PLIN3: variants seen among roughly 807,000 people sequenced by gnomAD.
PLIN3 encodes perilipin 3.
A neutral mutation model predicts 35.9 loss-of-function variants in PLIN3; 30 were observed. The observed-to-expected ratio is 0.84, with a 90% confidence interval of 0.62 to 1.13. The LOEUF is 1.13. Ranked by LOEUF, PLIN3 falls within the 50% of genes most tolerant of loss-of-function variation. The pLI is 0.00. For synonymous variants in PLIN3, 261 were observed against 262.5 expected, an observed-to-expected ratio of 0.99 and a Z score of 0.06; for missense variants, 603 against 596.9, an observed-to-expected ratio of 1.01 and a Z score of -0.11.
chr19:4,862,140 T>TC (rs2030697550), intron 1 of PLIN3, among the ~76,000 whole-genome samples: 1 of 150,496 alleles, frequency 6.6e-6, no homozygotes, highest in African/African-American at 2.4e-5. Context: ...TATCTTTTTT[T>TC]TTTTTTTTTG....
intron 1 of PLIN3, among the ~76,000 whole-genome samples, chr19:4,864,453 TTG>T (rs200705690): frequency 1.9e-4 from 27 of 140,008 alleles, no homozygotes; most frequent in South Asian, 9.1e-4. Flanking sequence ...CAGCCGTGGT[TTG>T]TTTTTTTTTT....
intron 4 of PLIN3, among the ~76,000 whole-genome samples, chr19:4,853,476 C>T (rs950189913): frequency 6.6e-6 from 1 of 151,918 alleles, no homozygotes; most frequent in African/African-American, 2.4e-5. Context: ...CAAGCACATG[C>T]CACCATGCCG....
chr19:4,845,991 G>A lies in PLIN3; in HGVS notation c.835-1198C>T, dbSNP rs181649554. Among the ~76,000 whole-genome samples the A allele has an allele frequency of 2.2e-3, 325 of 150,438 alleles. 2 individuals are homozygous for A. The highest frequency in any genetic ancestry group is 7.4e-3 in the African/African-American group (302 of 40,908). On this transcript the variant is annotated intron_variant, in intron 6 of 7. Coordinates refer to ENST00000221957, the MANE Select transcript of PLIN3 (RefSeq NM_005817.5). ...TGTAATTCCAGCACTTTGGGAGGCC[G>A]AGGCGGGCGGATCAAGAGGTCAGGA... is the stretch of plus-strand genomic sequence containing the variant.
At chr19:4,867,339 C>T (rs942141623) in intron 1 of PLIN3, among the ~76,000 whole-genome samples, 5 of 152,156 alleles carry the variant, frequency 3.3e-5, no homozygotes, top group South Asian at 2.1e-4. Context: ...TAGCCCACCC[C>T]CTTCAATATC....
Position 4,861,410 on chromosome 19 carries a change from C to T in PLIN3, c.-16G>A, listed in dbSNP as rs376043517. On this transcript the variant is annotated splice_region_variant and 5_prime_UTR_variant, in exon 2 of 8. Transcript: ENST00000221957. ...CGGCAGACATGGTCTCTGCAGCAGA[C>T]GCTGAGGAGAGAGGAACAGTCAGGT... is the stretch of plus-strand genomic sequence containing the variant. 3.1e-6 allele frequency: 5 copies of T among 1,608,132 alleles called. No individual in the cohort carries two copies. Among genetic ancestry groups the T allele is most frequent in the African/African-American group, 1.3e-5 (1 of 74,876 alleles).
At chr19:4,862,112 C>A (rs1206846460) in intron 1 of PLIN3, among the ~76,000 whole-genome samples, 20 of 148,412 alleles carry the variant, frequency 1.3e-4, no homozygotes, top group Admixed American at 1.3e-3. Context: ...TTAATTTTTT[C>A]TTTTTGGGTA....
At chr19:4,849,134 G>T (rs2030203298) in intron 5 of PLIN3, among the ~76,000 whole-genome samples, 1 of 151,606 alleles carries the variant, frequency 6.6e-6, no homozygotes, top group African/African-American at 2.4e-5. Context: ...CAAGACACCT[G>T]GCTAATTTTT....
intron 4 of PLIN3, among the ~76,000 whole-genome samples, chr19:4,858,774 T>G (rs2030566431): frequency 7.0e-6 from 1 of 143,526 alleles, no homozygotes; most frequent in African/African-American, 2.6e-5. Flanking sequence ...TGATCTCGGA[T>G]CACTGCAACC....
At chr19:4,846,841 A>G (rs1204996277) in intron 6 of PLIN3, among the ~76,000 whole-genome samples, 2 of 151,952 alleles carry the variant, frequency 1.3e-5, no homozygotes, top group African/African-American at 4.8e-5. Flanking sequence ...GCCTCCAGAA[A>G]TGTGAGAAAA....
At position 4,857,835 on chromosome 19, in the gene PLIN3, G is replaced by T. The variant is rs535777895; in HGVS notation, c.348+1755C>A. Among the ~76,000 whole-genome samples the T allele has an allele frequency of 2.0e-5, 3 of 152,008 alleles. No homozygotes were observed. The East Asian group carries it at 5.8e-4, about 29-fold the overall frequency. On this transcript the variant is annotated intron_variant, in intron 4 of 7. Transcript: ENST00000221957. Reference sequence around the variant, plus strand: ...TACTAAAAATACAAAAATTGGCCAGGTGTGGTGGCACATGTCTGTAATCCC... The same window carrying T: ...TACTAAAAATACAAAAATTGGCCAGTTGTGGTGGCACATGTCTGTAATCCC...
intron 1 of PLIN3, chr19:4,866,767 G>C (rs2030872411): frequency 6.6e-6 from 1 of 152,448 alleles, no homozygotes; most frequent in African/African-American, 2.4e-5. Flanking sequence ...TTAGGACTCA[G>C]GCAGCTTCCT....
At chr19:4,843,510 A>AAAAAAAAAT (rs1555733213) in intron 7 of PLIN3, among the ~76,000 whole-genome samples, 8 of 139,526 alleles carry the variant, frequency 5.7e-5, no homozygotes, top group African/African-American at 1.9e-4. Context: ...TCCATCTCAA[A>AAAAAAAAAT]AAATAAATAA....
intron 1 of PLIN3, among the ~76,000 whole-genome samples, chr19:4,862,073 G>A (rs1475690187): frequency 4.0e-5 from 6 of 151,524 alleles, no homozygotes; most frequent in African/African-American, 1.5e-4. Context: ...CAAGTAACTA[G>A]GACTATAGGC....
In PLIN3 at chr19:4,859,549, G is replaced by T. The variant is rs201977676; in HGVS notation, c.348+41C>A. On this transcript the variant is annotated intron_variant, in intron 4 of 7. Coordinates refer to ENST00000221957, the MANE Select transcript of PLIN3 (RefSeq NM_005817.5). The stretch of plus-strand genomic sequence containing the variant: ...ACCAGCGCACTCCACACCCAGGTAG[G>T]TCCCTGTCTCGACAGAGCCCCTGAG... The T allele has an allele frequency of 2.1e-4, 322 of 1,553,634 alleles. 2 individuals carry two copies. The African/African-American group carries it at 4.0e-3, about 19-fold the overall frequency.
In PLIN3 at chr19:4,852,236, G is replaced by A. The variant is rs143710948; in HGVS notation, c.414C>T (p.Ser138=). Residue 138 remains serine (S), a synonymous_variant, in exon 5 of 8, where the codon AGC becomes AGT. Transcript: ENST00000221957. ...KVSGAQEMVS[S]AKDTVATQLS... is the part of the protein sequence containing the mutation. ...ATTGGGTGGCCACCGTGTCCTTGGC[G>A]CTAGACACCATCTCTTGGGCCCCCG... 17 of 1,609,600 alleles carry A rather than the reference G, an allele frequency of 1.1e-5. No individual in the cohort carries two copies. Among genetic ancestry groups the A allele is most frequent in the African/African-American group, 1.3e-5 (1 of 74,914 alleles).
At chr19:4,843,172 A>AGATTGTGCCACTGCACTCCAG (rs1351951006) in intron 7 of PLIN3, among the ~76,000 whole-genome samples, 1 of 151,188 alleles carries the variant, frequency 6.6e-6, no homozygotes, top group Non-Finnish European at 1.5e-5. Context: ...CAGTGAGCTG[A>AGATTGTGCCACTGCACTCCAG]GATTGTGCCA....
intron 5 of PLIN3, among the ~76,000 whole-genome samples, chr19:4,849,663 A>T (rs541136205): frequency 3.5e-4 from 51 of 147,026 alleles, no homozygotes; most frequent in South Asian, 6.5e-4. Context: ...TTATTTATTT[A>T]TTTTTTTGAG....
intron 4 of PLIN3, among the ~76,000 whole-genome samples, chr19:4,853,395 G>A (rs997363479): frequency 1.3e-5 from 2 of 151,686 alleles, no homozygotes; most frequent in African/African-American, 4.8e-5. Flanking sequence ...GTGCAATCTC[G>A]ATTCACTGCA....
At chr19:4,862,976 G>A (rs935786669) in intron 1 of PLIN3, among the ~76,000 whole-genome samples, 2 of 151,758 alleles carry the variant, frequency 1.3e-5, no homozygotes, top group Admixed American at 6.6e-5. Context: ...GGCCAACATA[G>A]TGAAACCCCG....
Sources: allele counts gnomAD v4.1 joint callset (sites outside exome capture counted in the v4.1 genomes callset), GRCh38; gene constraint gnomAD v4.1.1; transcripts MANE v1.5; gene names NCBI Gene and HGNC (gene_info 2026-07-23, HGNC 2026-07-21).